Variants in NEBL observed in about 807,000 individuals in gnomAD.
NEBL encodes the protein LIM and SH3 protein 2.
A neutral mutation model predicts 140.2 loss-of-function variants in NEBL; 122 were observed. The observed-to-expected ratio is 0.87, with a 90% CI of 0.75 to 1.01. NEBL has a LOEUF of 1.01. NEBL is among the 50% of genes least tolerant of loss of function. The pLI is 0.00. For synonymous variants in NEBL, 436 were observed against 398.9 expected (o/e 1.09, Z -1.11); for missense variants, 1,365 against 1,231.3 (o/e 1.11, Z -1.62).
At chr10:21,045,878 A>G (rs1250218155) in intron 2 of NEBL, among the ~76,000 whole-genome samples, 1 of 152,234 alleles carries the variant, frequency 6.6e-6, no homozygotes, top group Non-Finnish European at 1.5e-5. Context: ...AGTATATCCA[A>G]AGGAACTGAA....
At chr10:20,965,334 T>G (rs984787801) in intron 3 of NEBL, among the ~76,000 whole-genome samples, 2 of 152,176 alleles carry the variant, frequency 1.3e-5, no homozygotes, top group Non-Finnish European at 2.9e-5. Flanking sequence ...GGACGTGAAG[T>G]GTCAGGCAGT....
rs369323185 is a variant in NEBL at position 21,114,919 on chromosome 10, G to T, written c.164+57464C>A. On this transcript the variant is annotated intron_variant, in intron 2 of 6. Transcript: ENST00000417816. ...TTAATGTGGCTATTAAAATGATTGA[G>T]TTTAAATATATCGTCATGCTATTTG... 5.6e-4 allele frequency among the ~76,000 whole-genome samples: 85 copies of T among 151,718 alleles called. No homozygotes were observed. The South Asian group carries it at 0.012, about 21-fold the overall frequency.
At chr10:20,918,161 C>A (rs1054288005) in intron 4 of NEBL, among the ~76,000 whole-genome samples, 1 of 152,028 alleles carries the variant, frequency 6.6e-6, no homozygotes, top group East Asian at 1.9e-4. Flanking sequence ...GAGTTAAAGA[C>A]CAGCCTGGCC....
At chr10:20,861,223 G>A (rs932917474) in intron 7 of NEBL, among the ~76,000 whole-genome samples, 6 of 152,062 alleles carry the variant, frequency 3.9e-5, no homozygotes, top group African/African-American at 1.4e-4. Context: ...TATCACCCAG[G>A]CTGGAGTGCA....
Position 21,173,705 on chromosome 10 carries a change from C to A in NEBL, c.69+60G>T. 6.2e-7 allele frequency: 1 copy of A among 1,609,038 alleles called. No individual in the cohort carries two copies. Among genetic ancestry groups the A allele is most frequent in the Non-Finnish European group, 8.5e-7 (1 of 1,179,396 alleles). On this transcript the variant is annotated intron_variant, in intron 1 of 6. Transcript: ENST00000417816. The surrounding 1 kb of genome is among the most constrained non-coding windows in gnomAD (Gnocchi z 5.7). Reference sequence around the variant, plus strand: ...TTCCATCCCAGGTGCCAAAACTTCTCGAAGCAGGTGCAGCCCCTCGCCCGG... The same window carrying A: ...TTCCATCCCAGGTGCCAAAACTTCTAGAAGCAGGTGCAGCCCCTCGCCCGG...
chr10:20,897,706 G>A, upstream of NEBL: 1 of 246,722 alleles, frequency 4.1e-6, no homozygotes, highest in Non-Finnish European at 6.5e-6. Context: ...TAGTGAATCT[G>A]GATCATTCAA....
chr10:20,984,762 GC>G (rs2131672147), intron 3 of NEBL, among the ~76,000 whole-genome samples: 1 of 152,164 alleles, frequency 6.6e-6, no homozygotes, highest in East Asian at 1.9e-4. Context: ...CCGGTCCATG[GC>G]CTGCTAGGAG....
At chr10:21,260,363 C>T (rs563110940) in intron 1 of NEBL, among the ~76,000 whole-genome samples, 9 of 152,328 alleles carry the variant, frequency 5.9e-5, no homozygotes, top group Non-Finnish European at 1.2e-4. Context: ...ACAGGGCCTG[C>T]GGATTCCAGA....
At chr10:21,082,372 G>A (rs1371968056) in intron 2 of NEBL, among the ~76,000 whole-genome samples, 2 of 152,048 alleles carry the variant, frequency 1.3e-5, no homozygotes, top group Non-Finnish European at 2.9e-5. Context: ...TTAGAATGTG[G>A]TTATGTAAGA....
intron 2 of NEBL, among the ~76,000 whole-genome samples, chr10:21,121,800 T>G (rs1220698751): frequency 6.6e-6 from 1 of 152,150 alleles, no homozygotes; most frequent in African/African-American, 2.4e-5. Context: ...GATAGATGTG[T>G]TTTGCATGTA....
At chr10:20,799,130 T>C (rs1836850965) in intron 26 of NEBL, among the ~76,000 whole-genome samples, 1 of 152,224 alleles carries the variant, frequency 6.6e-6, no homozygotes, top group African/African-American at 2.4e-5. Context: ...AATTCATTTT[T>C]CTAATGATTA....
intron 4 of NEBL, among the ~76,000 whole-genome samples, chr10:20,909,193 G>A (rs1302483206): frequency 2.6e-5 from 4 of 151,200 alleles, no homozygotes; most frequent in Non-Finnish European, 5.9e-5. Flanking sequence ...ATACAATTAA[G>A]TTATTATTGA....
chr10:21,127,202 G>C (rs1838880932), intron 2 of NEBL, among the ~76,000 whole-genome samples: 1 of 151,838 alleles, frequency 6.6e-6, no homozygotes, highest in African/African-American at 2.4e-5. Flanking sequence ...TCAGAAAATG[G>C]ATCAATAACA....
At chr10:21,089,784 C>T (rs1836825598) in intron 2 of NEBL, among the ~76,000 whole-genome samples, 1 of 152,102 alleles carries the variant, frequency 6.6e-6, no homozygotes, top group African/African-American at 2.4e-5. Flanking sequence ...AACATCAAAT[C>T]CTCCTCTGAA....
chr10:21,081,744 T>C (rs1015377969), intron 2 of NEBL, among the ~76,000 whole-genome samples: 3 of 152,212 alleles, frequency 2.0e-5, no homozygotes, highest in African/African-American at 4.8e-5. Flanking sequence ...ACATCTCTAC[T>C]GTGCCAGAAA....
intron 3 of NEBL, among the ~76,000 whole-genome samples, chr10:20,976,631 G>C (rs369343968): frequency 6.6e-6 from 1 of 152,176 alleles, no homozygotes; most frequent in African/African-American, 2.4e-5. Flanking sequence ...CACATGGATC[G>C]AGCTAGAGGC....
chr10:21,187,871 CT>C (rs1332847827), intron 3 of NEBL, among the ~76,000 whole-genome samples: 2 of 152,132 alleles, frequency 1.3e-5, no homozygotes, highest in African/African-American at 2.4e-5. Flanking sequence ...CCTTTTTCCC[CT>C]CTGCCTGCCA....
chr10:21,218,582 A>T lies in NEBL; in HGVS notation n.348+29339T>A, dbSNP rs1446430341. ...AGGAAAAAATGCAGGAGTGTTGAGGAGGAAAAACTTTTCCTCTGCCCATGG... is the reference window on the plus strand; with the variant it reads ...AGGAAAAAATGCAGGAGTGTTGAGGTGGAAAAACTTTTCCTCTGCCCATGG... On this transcript the variant is annotated intron_variant and non_coding_transcript_variant, in intron 3 of 8. Transcript: ENST00000675702. Among the ~76,000 whole-genome samples the T allele has an allele frequency of 2.6e-5, 4 of 152,212 alleles. No homozygotes were observed. In the South Asian group the frequency reaches 8.3e-4, roughly 32 times the overall value.
intron 3 of NEBL, among the ~76,000 whole-genome samples, chr10:21,209,045 T>C (rs1698555029): frequency 1.3e-5 from 2 of 152,182 alleles, no homozygotes; most frequent in African/African-American, 4.8e-5. Flanking sequence ...GTTTAAGGAA[T>C]CCGGCTTCTC....
Sources: allele counts gnomAD v4.1 joint callset (sites outside exome capture counted in the v4.1 genomes callset), GRCh38; gene constraint gnomAD v4.1.1; non-coding constraint Gnocchi (gnomAD v3.1); transcripts MANE v1.5; gene names NCBI Gene and HGNC (gene_info 2026-07-23, HGNC 2026-07-21).